Variants in SUMF1 observed in about 807,000 individuals in gnomAD.
SUMF1 encodes the protein sulfatase modifying factor 1.
SUMF1 carries 48 observed loss-of-function variants against 47.6 expected under a neutral mutation model. That is an observed-to-expected ratio of 1.01 (90% CI 0.80 to 1.28). The LOEUF (loss-of-function observed/expected upper bound fraction) is 1.28. Ranked by LOEUF, SUMF1 falls within the 50% of genes most tolerant of loss-of-function variation. The pLI is 0.00. For synonymous variants in SUMF1, 230 were observed against 192.1 expected, an observed-to-expected ratio of 1.20 and a Z score of -1.63; for missense variants, 571 against 485.4, an observed-to-expected ratio of 1.18 and a Z score of -1.66.
chr3:4,131,629 T>A (rs935165869), intron 8 of SUMF1, among the ~76,000 whole-genome samples: 3 of 152,052 alleles, frequency 2.0e-5, no homozygotes, highest in Non-Finnish European at 2.9e-5. Context: ...TAGCTAATGG[T>A]TTGGCTGGAA....
In SUMF1 at chr3:4,395,327, A is replaced by C. The variant is rs534835567; in HGVS notation, c.954+15538T>G. Among the ~76,000 whole-genome samples, 44 of 151,580 alleles carry C rather than the reference A, an allele frequency of 2.9e-4. No individual in the cohort carries two copies. In the South Asian group the frequency reaches 8.8e-3, roughly 30 times the overall value. On this transcript the variant is annotated intron_variant, in intron 7 of 8. Transcript: ENST00000272902. ...TACAGTCAAAATACCAATAATTTGT[A>C]TTTTTTTTTACCTAATGTCCAACGT...
intron 9 of SUMF1, among the ~76,000 whole-genome samples, chr3:4,065,832 CTCTGAGAACTCAGAAAGG>C (rs1695362700): frequency 6.6e-6 from 1 of 152,118 alleles, no homozygotes; most frequent in Admixed American, 6.6e-5. Flanking sequence ...CTAGCAACAG[CTCTGAGAACTCAGAAAGG>C]GTAGCAAATG....
rs927797493 is a variant in SUMF1 at position 4,064,171 on chromosome 3, G to C, written c.1191+4398C>G. ...CAGTCATAGGATGAGATAGGAGACC[G>C]GCACAAGATATAGGTCACAAAGACC... On this transcript the variant is annotated intron_variant and NMD_transcript_variant, in intron 9 of 12. Transcript: ENST00000448413. Among the ~76,000 whole-genome samples the C allele has an allele frequency of 6.1e-5, 9 of 147,458 alleles. 1 individual carries two copies. The East Asian group carries it at 1.4e-3, about 24-fold the overall frequency.
chr3:4,212,426 C>G (rs1426827614), intron 8 of SUMF1, among the ~76,000 whole-genome samples: 2 of 152,012 alleles, frequency 1.3e-5, no homozygotes, highest in Non-Finnish European at 2.9e-5. Context: ...CATCAAAGAC[C>G]AAAGGTAGAT....
intron 8 of SUMF1, among the ~76,000 whole-genome samples, chr3:4,222,471 C>T (rs1250027965): frequency 6.6e-6 from 1 of 151,982 alleles, no homozygotes; most frequent in Non-Finnish European, 1.5e-5. Context: ...TCAATAAATA[C>T]GGGTGTCTCC....
At position 4,410,946 on chromosome 3, in the gene SUMF1, T is replaced by C. The variant is rs761398924; in HGVS notation, c.873A>G (p.Leu291=). 27 of 1,613,978 alleles carry C rather than the reference T, an allele frequency of 1.7e-5. No individual in the cohort carries two copies. Among genetic ancestry groups the C allele is most frequent in the African/African-American group, 4.0e-5 (3 of 74,920 alleles). ...VDAFPPNGYG[L]YNIVGNAWEW... ...CCCATGCGTTCCCCACTATGTTGTA[T>C]AAGCCATAACCATTGGGAGGGAAGG... Residue 291 remains leucine (L), a synonymous_variant, in exon 7 of 9, where the codon TTA becomes TTG. Transcript: ENST00000272902.
At chr3:4,345,055 T>C (rs1699347695) in intron 8 of SUMF1, among the ~76,000 whole-genome samples, 1 of 151,920 alleles carries the variant, frequency 6.6e-6, no homozygotes, top group South Asian at 2.1e-4. Flanking sequence ...AAACCTATGA[T>C]TGATTGGAGT....
intron 8 of SUMF1, among the ~76,000 whole-genome samples, chr3:4,151,190 A>G (rs1559513705): frequency 6.6e-6 from 1 of 151,014 alleles, no homozygotes; most frequent in African/African-American, 2.5e-5. Flanking sequence ...ATGCAAATAT[A>G]TATTTAAACA....
At chr3:4,311,962 C>T (rs954550021) in intron 8 of SUMF1, among the ~76,000 whole-genome samples, 3 of 152,190 alleles carry the variant, frequency 2.0e-5, no homozygotes, top group African/African-American at 7.2e-5. Flanking sequence ...GATCAGGCTT[C>T]ACATAGAGTT....
intron 9 of SUMF1, among the ~76,000 whole-genome samples, chr3:4,058,469 G>T (rs1378780906): frequency 6.6e-6 from 1 of 152,094 alleles, no homozygotes; most frequent in East Asian, 1.9e-4. Context: ...ATACCAAAGG[G>T]ACAACATAAG....
chr3:4,353,466 A>C (rs376556121), intron 8 of SUMF1, among the ~76,000 whole-genome samples: 1 of 152,002 alleles, frequency 6.6e-6, no homozygotes, highest in East Asian at 1.9e-4. Flanking sequence ...GTTAGCCAGG[A>C]TGGTCTCGAT....
At chr3:4,342,352 G>A (rs1699288672) in intron 8 of SUMF1, among the ~76,000 whole-genome samples, 1 of 152,124 alleles carries the variant, frequency 6.6e-6, no homozygotes, top group Non-Finnish European at 1.5e-5. Flanking sequence ...GAGCAACATG[G>A]TGAAACCCCA....
At position 4,242,171 on chromosome 3, in the gene SUMF1, T is replaced by C. The variant is rs80219825; in HGVS notation, c.1014+134159A>G. Among the ~76,000 whole-genome samples the C allele has an allele frequency of 1.2e-4, 19 of 152,312 alleles. No homozygotes were observed. In the East Asian group the frequency reaches 3.5e-3, roughly 28 times the overall value. On this transcript the variant is annotated intron_variant and NMD_transcript_variant, in intron 8 of 12. Coordinates refer to the SUMF1 transcript ENST00000448413. ...AGTTGCTTATCAGCTTAAGGAGATTTGGGGCCGAGAAGATGGGGTTTTCTA... is the reference window on the plus strand; with the variant it reads ...AGTTGCTTATCAGCTTAAGGAGATTCGGGGCCGAGAAGATGGGGTTTTCTA...
intron 8 of SUMF1, among the ~76,000 whole-genome samples, chr3:4,097,143 CA>C (rs1385972693): frequency 1.3e-5 from 2 of 152,092 alleles, no homozygotes; most frequent in African/African-American, 2.4e-5. Context: ...TCTAATTGCT[CA>C]AAAATGTCCA....
chr3:4,201,881 C>G (rs552585991), intron 8 of SUMF1, among the ~76,000 whole-genome samples: 2 of 151,964 alleles, frequency 1.3e-5, no homozygotes, highest in South Asian at 4.1e-4. Flanking sequence ...TGTTAAGCAC[C>G]TTTTCAAATA....
chr3:4,175,286 C>T (rs373955432), intron 8 of SUMF1, among the ~76,000 whole-genome samples: 3 of 151,980 alleles, frequency 2.0e-5, no homozygotes, highest in South Asian at 2.1e-4. Flanking sequence ...CAGTTGGGGT[C>T]GACAGTCACC....
In SUMF1 at chr3:4,374,880, G is replaced by C. The variant is rs185414499; in HGVS notation, c.1014+1450C>G. Among the ~76,000 whole-genome samples the C allele has an allele frequency of 7.9e-5, 12 of 152,170 alleles. No individual in the cohort carries two copies. The East Asian group carries it at 1.9e-3, about 24-fold the overall frequency. On this transcript the variant is annotated intron_variant, in intron 8 of 8. Coordinates refer to ENST00000272902, the MANE Select transcript of SUMF1 (RefSeq NM_182760.4). ...ATTTAAAATTAAAACTAGGATTTTA[G>C]GCCGGGCACAGTGGCTGATGCCTGT... is the stretch of plus-strand genomic sequence containing the variant.
chr3:4,276,085 T>C (rs1275904221), intron 8 of SUMF1, among the ~76,000 whole-genome samples: 1 of 152,170 alleles, frequency 6.6e-6, no homozygotes, highest in South Asian at 2.1e-4. Flanking sequence ...CACAAGACAT[T>C]AATTTTTCTC....
chr3:4,435,781 T>C (rs1187510376), intron 3 of SUMF1, among the ~76,000 whole-genome samples: 1 of 152,140 alleles, frequency 6.6e-6, no homozygotes, highest in Non-Finnish European at 1.5e-5. Context: ...GAAAATTCCC[T>C]TCAGGAATGA....
Sources: gnomAD v4.1 joint callset for allele counts (sites outside exome capture counted in the v4.1 genomes callset) on GRCh38, gnomAD v4.1.1 for gene constraint, MANE v1.5 for transcripts, NCBI Gene and HGNC (gene_info 2026-07-23, HGNC 2026-07-21) for gene names.